The following CLMN variants were observed in gnomAD, a reference collection of about 807,000 sequenced individuals.
CLMN encodes calmin.
A neutral mutation model predicts 92.7 loss-of-function variants in CLMN; 57 were observed. The ratio of observed to expected loss-of-function variants is 0.61; its 90% CI spans 0.50 to 0.77. The LOEUF (loss-of-function observed/expected upper bound fraction) is 0.77, where lower values mean the gene tolerates loss of function less well. Among genes scored for constraint, CLMN ranks in the 30% least tolerant of loss-of-function variants. CLMN has a pLI of 0.00. For missense variants in CLMN, 1,158 were observed against 1,237.5 expected, an observed-to-expected ratio of 0.94 and a Z score of 0.96; for synonymous variants, 466 against 470.6, an observed-to-expected ratio of 0.99 and a Z score of 0.13.
rs1303892754 is a variant in CLMN, at chr14:95,194,106, C to G, written c.2770-187G>C. The stretch of plus-strand genomic sequence containing the variant: ...ACATTCCTCTACCTCCTCCCCTAAG[C>G]CCCTCCCTTGTGAGTGCGAGAGACC... On this transcript the variant is annotated intron_variant, in intron 11 of 12. Coordinates refer to ENST00000298912, the MANE Select transcript of CLMN (RefSeq NM_024734.4). This position sits in a 1 kb window ranked among gnomAD's most constrained non-coding sequence, Gnocchi z 4.0. 1.8e-5 allele frequency: 26 copies of G among 1,426,224 alleles called. No homozygotes were observed. The highest frequency in any genetic ancestry group is 2.4e-5 in the Non-Finnish European group (26 of 1,097,156). The allele number at this position is 1,426,224 out of a possible 1,614,324, so 88.3% of individuals were successfully genotyped here. A position where few individuals can be genotyped will look rare whatever the true frequency, so the allele number is the denominator to read the frequency against.
rs113723380 is a variant in CLMN at position 95,317,083 on chromosome 14, A to C, written c.82+2628T>G. On this transcript the variant is annotated intron_variant, in intron 1 of 12. Coordinates refer to ENST00000298912, the MANE Select transcript of CLMN (RefSeq NM_024734.4). The stretch of plus-strand genomic sequence containing the variant: ...CCTCTGCACTGAGTTCAGAAGAACA[A>C]GGCCCCTGCTGGTGGCCCCCAAAGT... Among the ~76,000 whole-genome samples the C allele has an allele frequency of 2.3e-3, 350 of 152,318 alleles. 2 individuals carry two copies. The highest frequency in any genetic ancestry group is 7.6e-3 in the African/African-American group (315 of 41,570).
At position 95,311,810 on chromosome 14, in the gene CLMN, C is replaced by T. The variant is rs59782714; in HGVS notation, c.82+7901G>A. Among the ~76,000 whole-genome samples the T allele has an allele frequency of 2.5e-3, 383 of 152,262 alleles. 2 individuals are homozygous for T. The highest frequency in any genetic ancestry group is 8.8e-3 in the African/African-American group (366 of 41,534). On this transcript the variant is annotated intron_variant, in intron 1 of 12. Coordinates refer to ENST00000298912, the MANE Select transcript of CLMN (RefSeq NM_024734.4). ...ATGGGACAGATTTTCCTCTGTACCC[C>T]ATCCTCTGCCACCTTCTTCATTCCA... is the stretch of plus-strand genomic sequence containing the variant.
chr14:95,261,192 CAA>C (rs34154169), intron 1 of CLMN, among the ~76,000 whole-genome samples: 29,706 of 127,736 alleles, frequency 0.23, 3,632 homozygotes, highest in African/African-American at 0.39. Context: ...CACACAAATG[CAA>C]AAAAAAAAAA....
chr14:95,314,308 C>T (rs780670971), intron 1 of CLMN, among the ~76,000 whole-genome samples: 1 of 152,058 alleles, frequency 6.6e-6, no homozygotes, highest in Non-Finnish European at 1.5e-5. Flanking sequence ...TTATGAAATG[C>T]AACATTTTCT....
At chr14:95,201,292 C>T (rs920451179) in intron 9 of CLMN, among the ~76,000 whole-genome samples, 1 of 151,682 alleles carries the variant, frequency 6.6e-6, no homozygotes, top group African/African-American at 2.4e-5. Flanking sequence ...ATCTTCCAAC[C>T]CCCCAAGCAG....
chr14:95,228,007 G>C (rs1303295425), intron 2 of CLMN, among the ~76,000 whole-genome samples: 1 of 152,038 alleles, frequency 6.6e-6, no homozygotes, highest in East Asian at 1.9e-4. Flanking sequence ...TTTCAGAGTC[G>C]GCGCTACCCA....
chr14:95,229,308 C>T (rs978224468), intron 2 of CLMN, among the ~76,000 whole-genome samples: 1 of 152,140 alleles, frequency 6.6e-6, no homozygotes, highest in Non-Finnish European at 1.5e-5. Context: ...TGTGGCTCTT[C>T]CTTTAGTCTG....
At chr14:95,313,490 C>T (rs1033184294) in intron 1 of CLMN, among the ~76,000 whole-genome samples, 2 of 152,166 alleles carry the variant, frequency 1.3e-5, no homozygotes, top group African/African-American at 4.8e-5. Flanking sequence ...GCCTGTGGGC[C>T]GTAGTTTGCA....
chr14:95,251,203 C>A (rs28493888), intron 1 of CLMN, among the ~76,000 whole-genome samples: 18,161 of 151,088 alleles, frequency 0.12, 1,556 homozygotes, highest in African/African-American at 0.24. Context: ...GGTTCTTAGA[C>A]AATGATGATA....
intron 1 of CLMN, among the ~76,000 whole-genome samples, chr14:95,316,830 C>T (rs965546314): frequency 2.6e-5 from 4 of 152,196 alleles, no homozygotes; most frequent in Non-Finnish European, 4.4e-5. Context: ...CCAAGAGAGT[C>T]AAAGCTTTCT....
At chr14:95,297,217 TAGAA>T (rs1171876173) in intron 1 of CLMN, among the ~76,000 whole-genome samples, 1 of 152,174 alleles carries the variant, frequency 6.6e-6, no homozygotes, top group Non-Finnish European at 1.5e-5. Flanking sequence ...AAAAATCACT[TAGAA>T]GGCGCTTATG....
intron 1 of CLMN, among the ~76,000 whole-genome samples, chr14:95,275,309 T>C (rs372378575): frequency 6.6e-6 from 1 of 152,118 alleles, no homozygotes; most frequent in African/African-American, 2.4e-5. Flanking sequence ...AAGACCCCAC[T>C]GATAAAACAG....
chr14:95,315,892 T>C (rs1485341614), intron 1 of CLMN, among the ~76,000 whole-genome samples: 19 of 152,232 alleles, frequency 1.2e-4, no homozygotes, highest in Admixed American at 3.9e-4. Context: ...AGATGCTACG[T>C]GCTCGACACA....
At chr14:95,227,413 T>A (rs78903358) in intron 2 of CLMN, among the ~76,000 whole-genome samples, 6,474 of 152,282 alleles carry the variant, frequency 0.043, 221 homozygotes, top group Middle Eastern at 0.061. Context: ...CCTTCCACCC[T>A]GAGCATGACG....
Position 95,191,780 on chromosome 14 carries a change from G to A in CLMN, c.2841-48C>T. The A allele has an allele frequency of 6.5e-7, 1 of 1,550,278 alleles. No individual in the cohort carries two copies. The highest frequency in any genetic ancestry group is 8.7e-7 in the Non-Finnish European group (1 of 1,152,050). On this transcript the variant is annotated intron_variant, in intron 12 of 12. Coordinates refer to ENST00000298912, the MANE Select transcript of CLMN (RefSeq NM_024734.4). The surrounding 1 kb of genome is among the most constrained non-coding windows in gnomAD (Gnocchi z 5.3). ...ACGCAGTTACCAAGCAGGTTCCCAG[G>A]AAAGTGGACCCCACCCAGTGCTACC... is the stretch of plus-strand genomic sequence containing the variant.
At position 95,194,441 on chromosome 14, in the gene CLMN, C is replaced by T; in HGVS notation, c.2769+95G>A. On this transcript the variant is annotated intron_variant, in intron 11 of 12. Transcript: ENST00000298912. The surrounding 1 kb of genome is among the most constrained non-coding windows in gnomAD (Gnocchi z 4.0). ...ATCCAAAAGTATAGCTGTTGCATGC[C>T]AGTAATTTCAAAGCTCTGGGCTGGG... The T allele has an allele frequency of 6.3e-7, 1 of 1,598,010 alleles. No homozygotes were observed. The highest frequency in any genetic ancestry group is 1.1e-5 in the South Asian group (1 of 89,264).
At chr14:95,312,412 G>T (rs1185811323) in intron 1 of CLMN, among the ~76,000 whole-genome samples, 1 of 152,164 alleles carries the variant, frequency 6.6e-6, no homozygotes, top group African/African-American at 2.4e-5. Context: ...AGAAGGCTGG[G>T]CTGCCACACA....
intron 1 of CLMN, among the ~76,000 whole-genome samples, chr14:95,255,696 C>T (rs1046892661): frequency 1.3e-5 from 2 of 152,142 alleles, no homozygotes; most frequent in African/African-American, 4.8e-5. Flanking sequence ...ACAAGCCACA[C>T]CCCTCCCACG....
intron 5 of CLMN, among the ~76,000 whole-genome samples, chr14:95,213,785 C>T (rs557040827): frequency 6.6e-6 from 1 of 152,264 alleles, no homozygotes; most frequent in South Asian, 2.1e-4. Context: ...TTCTGCTCAT[C>T]CTGCCCTTGC....
Sources: allele counts gnomAD v4.1 joint callset (sites outside exome capture counted in the v4.1 genomes callset), GRCh38; gene constraint gnomAD v4.1.1; non-coding constraint Gnocchi (gnomAD v3.1); transcripts MANE v1.5; gene names NCBI Gene and HGNC (gene_info 2026-07-23, HGNC 2026-07-21).